Variants in KIF4A observed in about 807,000 individuals in gnomAD.
KIF4A encodes kinesin family member 4A, also known as chromosome-associated kinesin KIF4A.
A neutral mutation model predicts 105.9 loss-of-function variants in KIF4A; 7 were observed. That is an observed-to-expected ratio of 0.07 (90% CI 0.04 to 0.12). The LOEUF is 0.12. Ranked by LOEUF, KIF4A falls within the 10% of genes least tolerant of loss-of-function variation. The probability of loss-of-function intolerance (pLI) is 1.00; values close to 1 mark genes in which losing one functional copy is unlikely to be tolerated. For synonymous variants in KIF4A, 281 were observed against 331.3 expected (o/e 0.85, Z 1.65); for missense variants, 558 against 929.2 (o/e 0.60, Z 5.19).
intron 15 of KIF4A, chrX:70,362,485 A>G (rs1048269628): frequency 2.4e-5 from 3 of 127,408 alleles, no homozygotes; most frequent in Middle Eastern, 3.6e-3. Flanking sequence ...TCCCCATGGC[A>G]TCTAGTCCTT....
chrX:70,328,498 CGT>C (rs776898758), intron 7 of KIF4A, among the ~76,000 whole-genome samples: 3 of 111,898 alleles, frequency 2.7e-5, no homozygotes, highest in Non-Finnish European at 3.8e-5. Flanking sequence ...AAGTTTCAAA[CGT>C]GAATTTTGGA....
intron 15 of KIF4A, among the ~76,000 whole-genome samples, chrX:70,366,164 G>A (rs1300918394): frequency 1.4e-4 from 16 of 110,842 alleles, no homozygotes; most frequent in South Asian, 7.6e-4. Context: ...TCTTGCTAGC[G>A]GTCTATGAAT....
At chrX:70,419,518 T>C in intron 29 of KIF4A, 143 bp from the exon 30 acceptor site, 1 of 671,648 alleles carries the variant, frequency 1.5e-6, no homozygotes, top group Non-Finnish European at 2.3e-6. Context: ...CACTATGACC[T>C]CCCCAAGCAG....
intron 26 of KIF4A, 41 bp from the exon 27 acceptor site, chrX:70,406,218 G>A: frequency 9.2e-7 from 1 of 1,092,141 alleles, no homozygotes; most frequent in South Asian, 1.9e-5. Context: ...ACTCCCAGAA[G>A]CTGCCCTGCA....
intron 15 of KIF4A, among the ~76,000 whole-genome samples, chrX:70,360,802 A>G (rs962557569): frequency 2.7e-5 from 3 of 112,788 alleles, no homozygotes; most frequent in Admixed American, 9.3e-5. Flanking sequence ...CTGCCACTGT[A>G]GGGTTTCAGA....
intron 15 of KIF4A, among the ~76,000 whole-genome samples, chrX:70,356,562 CA>C (rs1463277525): frequency 1.5e-4 from 17 of 111,456 alleles, no homozygotes. Context: ...GACCCTGTCT[CA>C]AAAAAACAAA....
intron 18 of KIF4A, among the ~76,000 whole-genome samples, chrX:70,386,050 C>T (rs1313481342): frequency 1.8e-5 from 2 of 110,337 alleles, no homozygotes; most frequent in African/African-American, 6.6e-5. Context: ...CCCCCAATGT[C>T]TATTGTTTCC....
intron 20 of KIF4A, 107 bp from the exon 21 acceptor site, chrX:70,395,564 T>C (rs2086256106): frequency 3.1e-6 from 3 of 979,917 alleles, no homozygotes; most frequent in South Asian, 4.4e-5. Flanking sequence ...ATCACACTTG[T>C]AGTTACTTGG....
intron 14 of KIF4A, 46 bp from the exon 15 acceptor site, chrX:70,353,567 AAGGAACTCC>A: frequency 9.3e-7 from 1 of 1,072,588 alleles, no homozygotes. Flanking sequence ...AATAGTGCCT[AAGGAACTCC>A]ATTTGCTTGT....
chrX:70,390,776 A>G (rs185782895), intron 20 of KIF4A, among the ~76,000 whole-genome samples: 22 of 111,900 alleles, frequency 2.0e-4, no homozygotes, highest in Admixed American at 1.8e-3. Flanking sequence ...CTTACAGCCA[A>G]TTCCTCCCAC....
chrX:70,391,305 C>T (rs2086236566), intron 20 of KIF4A, among the ~76,000 whole-genome samples: 1 of 111,641 alleles, frequency 9.0e-6, no homozygotes, highest in Non-Finnish European at 1.9e-5. Flanking sequence ...TTAGGATTTT[C>T]TATGTAGACT....
At chrX:70,391,696 T>C (rs996223978) in intron 20 of KIF4A, among the ~76,000 whole-genome samples, 7 of 110,704 alleles carry the variant, frequency 6.3e-5, no homozygotes, top group Non-Finnish European at 9.4e-5. Flanking sequence ...AGGGGTTTCG[T>C]ATACAGATAA....
chrX:70,403,872 C>T lies in KIF4A; in HGVS notation c.2628C>T (p.Ser876=). 8.3e-7 allele frequency: 1 copy of T among 1,205,546 alleles called. No homozygotes were observed. The highest frequency in any genetic ancestry group is 1.7e-5 in the African/African-American group (1 of 57,689). Residue 876 remains serine, a synonymous_variant, in exon 24 of 31, where the codon TCC becomes TCT. Coordinates refer to ENST00000374403, the MANE Select transcript of KIF4A (RefSeq NM_012310.5). Reference sequence around the variant, plus strand: ...TCTTTTATTCCTTCCAGCTGGTCTCCTCCAAAATACAGGTCAGCAAACTTG... The same window carrying T: ...TCTTTTATTCCTTCCAGCTGGTCTCTTCCAAAATACAGGTCAGCAAACTTG... ...ALKYLIGELV[S]SKIQVSKLES...
chrX:70,403,745 G>A, intron 23 of KIF4A, 119 bp from the exon 24 acceptor site: 1 of 581,944 alleles, frequency 1.7e-6, no homozygotes, highest in Admixed American at 3.9e-5. Context: ...GAATAGACTT[G>A]AACATGGAGG....
intron 20 of KIF4A, among the ~76,000 whole-genome samples, chrX:70,390,989 T>C (rs1413313791): frequency 1.8e-5 from 2 of 112,221 alleles, no homozygotes; most frequent in African/African-American, 6.5e-5. Context: ...TATACCACAG[T>C]TTGTTTATCC....
intron 13 of KIF4A, among the ~76,000 whole-genome samples, chrX:70,346,465 A>G (rs1046960847): frequency 9.0e-6 from 1 of 111,709 alleles, no homozygotes; most frequent in Admixed American, 9.5e-5. Flanking sequence ...GCTTCGAGTC[A>G]CATAGAAAAG....
At chrX:70,402,842 G>A in intron 23 of KIF4A, 147 bp downstream of exon 23, 2 of 715,833 alleles carry the variant, frequency 2.8e-6, no homozygotes, top group Non-Finnish European at 4.1e-6. Context: ...GTAGATAAAG[G>A]TTGGTGTAAG....
intron 3 of KIF4A, among the ~76,000 whole-genome samples, chrX:70,296,446 A>G (rs1439623195): frequency 8.9e-6 from 1 of 112,060 alleles, no homozygotes; most frequent in Non-Finnish European, 1.9e-5. Flanking sequence ...ACATTGAATT[A>G]TGCTTAAATG....
At chrX:70,324,487 A>G (rs1244971861) in intron 7 of KIF4A, among the ~76,000 whole-genome samples, 1 of 111,797 alleles carries the variant, frequency 8.9e-6, no homozygotes, top group East Asian at 2.8e-4. Context: ...CACCTTTCAC[A>G]TCCAGAAGTT....
Sources: gnomAD v4.1 joint callset for allele counts (sites outside exome capture counted in the v4.1 genomes callset) on GRCh38, gnomAD v4.1.1 for gene constraint, MANE v1.5 for transcripts, NCBI Gene and HGNC (gene_info 2026-07-23, HGNC 2026-07-21) for gene names.